The following CYREN variants were observed in gnomAD, a reference collection of about 807,000 sequenced individuals.
The protein encoded by CYREN is cell cycle regulator of NHEJ.
CYREN carries 7 observed loss-of-function variants against 9.7 expected under a neutral mutation model. The observed-to-expected ratio is 0.72, with a 90% CI of 0.41 to 1.36. The LOEUF (loss-of-function observed/expected upper bound fraction) is 1.36, where lower values mean the gene tolerates loss of function less well. CYREN is among the 40% of genes most tolerant of loss of function. The probability of loss-of-function intolerance (pLI) is 0.01; values close to 1 mark genes in which losing one functional copy is unlikely to be tolerated. For missense variants in CYREN, 215 were observed against 198.1 expected (o/e 1.09, Z -0.51); for synonymous variants, 76 against 77.9 (o/e 0.98, Z 0.13).
chr7:135,148,491 T>A (rs1361576031), intron 2 of CYREN, among the ~76,000 whole-genome samples: 2 of 152,332 alleles, frequency 1.3e-5, no homozygotes, highest in South Asian at 4.1e-4. Flanking sequence ...GGCATCAACA[T>A]GTGTAGCTCT....
chr7:135,093,356 GATAAAAGATCA>G (rs754084510), exon 3 of CYREN: 1 of 151,984 alleles, frequency 6.6e-6, no homozygotes, highest in African/African-American at 2.4e-5. Flanking sequence ...AAGGTTGCAG[GATAAAAGATCA>G]ATAGGCAAAA....
At chr7:135,168,119 G>C (rs943542075) in intron 2 of CYREN, 1 of 403,764 alleles carries the variant, frequency 2.5e-6, no homozygotes. Flanking sequence ...AGGGAACCTC[G>C]GGCTGAGGCT....
intron 2 of CYREN, among the ~76,000 whole-genome samples, chr7:135,131,782 A>G (rs1008636256): frequency 1.3e-5 from 2 of 152,076 alleles, no homozygotes; most frequent in African/African-American, 4.8e-5. Context: ...CAGATCAATA[A>G]AATTGACAAA....
chr7:135,169,838 C>T (rs930911172), intron 1 of CYREN, among the ~76,000 whole-genome samples: 4 of 152,206 alleles, frequency 2.6e-5, no homozygotes, highest in African/African-American at 4.8e-5. Flanking sequence ...AGCGATAGTC[C>T]TCTCTGAATC....
chr7:135,125,848 T>A (rs1362436285), intron 2 of CYREN, among the ~76,000 whole-genome samples: 1 of 152,212 alleles, frequency 6.6e-6, no homozygotes, highest in Non-Finnish European at 1.5e-5. Flanking sequence ...TCAACATCCC[T>A]TCATGTTAAA....
chr7:135,152,150 T>C (rs970259688), intron 2 of CYREN, among the ~76,000 whole-genome samples: 4 of 152,244 alleles, frequency 2.6e-5, no homozygotes, highest in African/African-American at 9.6e-5. Context: ...ATTAAAGCCA[T>C]TTTACAGATG....
chr7:135,167,461 C>G (rs1830246922), intron 3 of CYREN: 1 of 1,329,558 alleles, frequency 7.5e-7, no homozygotes, highest in Middle Eastern at 2.9e-4. Flanking sequence ...ACATACACAC[C>G]AGTGCACAGT....
chr7:135,148,158 C>A (rs1829585970), intron 2 of CYREN: 1 of 439,758 alleles, frequency 2.3e-6, no homozygotes, highest in African/African-American at 2.0e-5. Context: ...TCCACTCCTC[C>A]TTTCTGGAGT....
intron 2 of CYREN, among the ~76,000 whole-genome samples, chr7:135,111,621 T>C (rs1469815932): frequency 6.6e-6 from 1 of 151,998 alleles, no homozygotes; most frequent in Non-Finnish European, 1.5e-5. Context: ...GTGAAATAGC[T>C]CAATGAATAT....
chr7:135,157,573 A>G (rs946905942), intron 2 of CYREN, among the ~76,000 whole-genome samples: 3 of 152,172 alleles, frequency 2.0e-5, no homozygotes, highest in Non-Finnish European at 4.4e-5. Flanking sequence ...AGAAGCTAGT[A>G]GTGGGAGTGG....
At chr7:135,168,468 A>G (rs1830398220) in intron 2 of CYREN, 2 of 415,224 alleles carry the variant, frequency 4.8e-6, no homozygotes, top group African/African-American at 2.0e-5. Context: ...TGATGTTACC[A>G]TGTTTGTTGT....
intron 3 of CYREN, chr7:135,167,420 CACAA>C (rs1830242319): frequency 8.5e-7 from 1 of 1,181,844 alleles, no homozygotes; most frequent in African/African-American, 1.6e-5. Context: ...TTTCCAAGAA[CACAA>C]ACAGGTAAAC....
chr7:135,164,985 C>A (rs754366575), downstream of CYREN: 54 of 1,596,030 alleles, frequency 3.4e-5, no homozygotes, highest in South Asian at 2.5e-4. Flanking sequence ...TGAGAGCAAG[C>A]TTGAGAGCTG....
chr7:135,167,764 T>A lies in CYREN; in HGVS notation c.181A>T (p.Ile61Leu). The A allele has an allele frequency of 1.2e-6, 2 of 1,614,080 alleles. No homozygotes were observed. The highest frequency in any genetic ancestry group is 1.7e-6 in the Non-Finnish European group (2 of 1,180,012). ...RTVYCMNEAE[I>L]VDVALGILIE... Reference sequence around the variant, plus strand: ...AGGATTCCCAGAGCAACATCAACTATCTCAGCCTCATTCATGCAGTACACA... The same window carrying A: ...AGGATTCCCAGAGCAACATCAACTAACTCAGCCTCATTCATGCAGTACACA... The change falls in exon 3 of 4, where the codon ATA becomes TTA. Residue 61 changes from isoleucine to leucine, a missense_variant. Transcript: ENST00000393114.
At chr7:135,106,227 C>T (rs1208064320) in intron 2 of CYREN, among the ~76,000 whole-genome samples, 2 of 152,126 alleles carry the variant, frequency 1.3e-5, no homozygotes, top group African/African-American at 4.8e-5. Context: ...ATTTCTTTAT[C>T]TTGGCTGATT....
At chr7:135,106,860 A>G (rs917946162) in intron 2 of CYREN, among the ~76,000 whole-genome samples, 1 of 151,998 alleles carries the variant, frequency 6.6e-6, no homozygotes, top group Non-Finnish European at 1.5e-5. Flanking sequence ...TTTTTGGATG[A>G]TAAGCTATTT....
At chr7:135,163,179 A>G (rs1331959972), downstream of CYREN, among the ~76,000 whole-genome samples, 1 of 152,250 alleles carries the variant, frequency 6.6e-6, no homozygotes, top group East Asian at 1.9e-4. Flanking sequence ...TTTTTGAAGA[A>G]TATTTAACAG....
chr7:135,098,720 G>A (rs1823306804), intron 2 of CYREN, among the ~76,000 whole-genome samples: 1 of 152,156 alleles, frequency 6.6e-6, no homozygotes, highest in African/African-American at 2.4e-5. Flanking sequence ...ATATCTCAAA[G>A]GCTGCAGGCA....
chr7:135,127,051 C>G (rs1453600430), intron 2 of CYREN, among the ~76,000 whole-genome samples: 1 of 152,090 alleles, frequency 6.6e-6, no homozygotes, highest in African/African-American at 2.4e-5. Flanking sequence ...TTCTGCATAG[C>G]AAAAGAAACC....
Sources: allele counts gnomAD v4.1 joint callset (sites outside exome capture counted in the v4.1 genomes callset), GRCh38; gene constraint gnomAD v4.1.1; transcripts MANE v1.5; gene names NCBI Gene and HGNC (gene_info 2026-07-23, HGNC 2026-07-21).